The following C12orf50 variants were observed in gnomAD, a reference collection of about 807,000 sequenced individuals.
C12orf50 encodes the protein uncharacterized protein C12orf50.
In C12orf50, 35 loss-of-function variants were observed where a neutral mutation model predicts 61.6. The ratio of observed to expected loss-of-function variants is 0.57; its 90% CI spans 0.43 to 0.75. The LOEUF is 0.75. Among genes scored for constraint, C12orf50 ranks in the 30% least tolerant of loss-of-function variants. The pLI is 0.00. For missense variants in C12orf50, 475 were observed against 488.5 expected (o/e 0.97, Z 0.26); for synonymous variants, 178 against 161.5 (o/e 1.10, Z -0.77).
intron 3 of C12orf50, among the ~76,000 whole-genome samples, chr12:88,024,581 C>G (rs779209293): frequency 2.6e-5 from 4 of 151,782 alleles, no homozygotes; most frequent in Non-Finnish European, 5.9e-5. Context: ...AAATGATAAC[C>G]CAAAGAGAGG....
chr12:87,990,244 C>G (rs578153918), intron 7 of C12orf50, among the ~76,000 whole-genome samples: 1 of 152,226 alleles, frequency 6.6e-6, no homozygotes, highest in East Asian at 1.9e-4. Context: ...ACAGATTAAC[C>G]TCCAGTTAAC....
chr12:88,021,672 C>A (rs2136493176), intron 3 of C12orf50, among the ~76,000 whole-genome samples: 1 of 151,786 alleles, frequency 6.6e-6, no homozygotes, highest in African/African-American at 2.4e-5. Context: ...TACCACTGAC[C>A]CCACAGAAAT....
intron 7 of C12orf50, among the ~76,000 whole-genome samples, chr12:87,991,939 G>A (rs772473899): frequency 6.6e-5 from 10 of 152,154 alleles, no homozygotes; most frequent in Admixed American, 4.6e-4. Flanking sequence ...GCAGAGTGGT[G>A]AAAATTTTGA....
At chr12:87,993,696 T>C (rs1463180690) in intron 7 of C12orf50, among the ~76,000 whole-genome samples, 1 of 152,124 alleles carries the variant, frequency 6.6e-6, no homozygotes, top group Non-Finnish European at 1.5e-5. Context: ...TCCTTCCTAC[T>C]CTTCACACAC....
At chr12:87,983,664 G>C (rs2030644991) in intron 11 of C12orf50, 4 of 151,040 alleles carry the variant, frequency 2.6e-5, no homozygotes, top group African/African-American at 4.8e-5. Flanking sequence ...CCTTGCGATA[G>C]TTTACTGAGA....
At chr12:87,983,280 G>A in intron 11 of C12orf50, 85 bp from the exon 12 acceptor site, 1 of 767,386 alleles carries the variant, frequency 1.3e-6, no homozygotes, top group Non-Finnish European at 2.0e-6. Context: ...ACATCTCAGG[G>A]GTGAAGCTAT....
chr12:87,981,665 G>A (rs2030479862), intron 12 of C12orf50, among the ~76,000 whole-genome samples: 1 of 152,008 alleles, frequency 6.6e-6, no homozygotes, highest in African/African-American at 2.4e-5. Context: ...TCTTTCTGGT[G>A]CTTATCCTTT....
At chr12:87,993,398 G>T (rs1400532857) in intron 7 of C12orf50, among the ~76,000 whole-genome samples, 2 of 152,206 alleles carry the variant, frequency 1.3e-5, no homozygotes, top group African/African-American at 4.8e-5. Flanking sequence ...TAGACAGTGG[G>T]AACTCCGTTA....
At chr12:88,019,250 G>A (rs1257387690) in intron 3 of C12orf50, among the ~76,000 whole-genome samples, 2 of 152,160 alleles carry the variant, frequency 1.3e-5, no homozygotes, top group South Asian at 2.1e-4. Flanking sequence ...GAGATCTGAC[G>A]ATTTCAAAAA....
chr12:87,998,124 T>C lies in C12orf50; in HGVS notation c.200A>G (p.Lys67Arg). 1 of 1,612,964 alleles carries C rather than the reference T, an allele frequency of 6.2e-7. No homozygotes were observed. Among genetic ancestry groups the C allele is most frequent in the Non-Finnish European group, 8.5e-7 (1 of 1,179,276 alleles). Reference protein sequence around the residue: ...PLQSQSQEPLKPQENISRPIH... With the variant: ...PLQSQSQEPLRPQENISRPIH... ...GGGTCGTGATATATTTTCCTGAGGT[T>C]TCAGAGGTTCTTGACTCTGGGACTG... The change falls in exon 4 of 13, where the codon AAA (lysine) becomes AGA (arginine). Residue 67 changes from lysine to arginine, a missense_variant. Transcript: ENST00000298699.
At chr12:87,996,705 A>G in intron 4 of C12orf50, 59 bp from the exon 5 acceptor site, 1 of 1,322,962 alleles carries the variant, frequency 7.6e-7, no homozygotes. Flanking sequence ...CTGAAAATTT[A>G]TAAACCAGAA....
At chr12:88,021,664 C>T (rs950473924) in intron 3 of C12orf50, among the ~76,000 whole-genome samples, 12 of 151,794 alleles carry the variant, frequency 7.9e-5, no homozygotes, top group African/African-American at 2.9e-4. Context: ...AGGGACATTA[C>T]CACTGACCCC....
intron 4 of C12orf50, among the ~76,000 whole-genome samples, chr12:87,997,250 C>T (rs1206896249): frequency 6.6e-6 from 1 of 151,974 alleles, no homozygotes; most frequent in Non-Finnish European, 1.5e-5. Context: ...ACATAGATCT[C>T]TATAACTTCC....
chr12:88,014,678 T>C (rs1310637463), intron 3 of C12orf50, among the ~76,000 whole-genome samples: 2 of 152,218 alleles, frequency 1.3e-5, no homozygotes, highest in African/African-American at 2.4e-5. Context: ...TTGCCTAAGA[T>C]ATCTGGCCTC....
At chr12:88,021,435 C>G (rs574774855) in intron 3 of C12orf50, among the ~76,000 whole-genome samples, 3 of 151,960 alleles carry the variant, frequency 2.0e-5, no homozygotes, top group Admixed American at 1.3e-4. Flanking sequence ...GCCAGGAGTT[C>G]GAGACCAGCC....
At chr12:88,018,091 A>G (rs759033640) in intron 3 of C12orf50, among the ~76,000 whole-genome samples, 4 of 152,250 alleles carry the variant, frequency 2.6e-5, no homozygotes, top group Non-Finnish European at 5.9e-5. Context: ...TAATGGGGAA[A>G]ATGTCTCCAA....
intron 3 of C12orf50, among the ~76,000 whole-genome samples, chr12:88,006,584 C>T (rs577994015): frequency 1.3e-5 from 2 of 152,284 alleles, no homozygotes; most frequent in African/African-American, 4.8e-5. Flanking sequence ...TGGCATGGGA[C>T]CTCTATCCAT....
Position 88,026,344 on chromosome 12 carries a change from C to T in C12orf50, c.133+144G>A. 7 of 891,036 alleles carry T rather than the reference C, an allele frequency of 7.9e-6. No homozygotes were observed. The East Asian group carries it at 1.4e-4, about 17-fold the overall frequency. 55.2% of individuals were successfully genotyped at this position (891,036 alleles called of 1,614,324 possible). ...GTTCATTCTAAGCTTTCTCTTGTCT[C>T]ATGTAGAATCATTCCAAATTACCCA... On this transcript the variant is annotated intron_variant, in intron 3 of 12. Coordinates refer to ENST00000298699, the MANE Select transcript of C12orf50 (RefSeq NM_152589.3).
intron 3 of C12orf50, among the ~76,000 whole-genome samples, chr12:88,010,496 C>A (rs1173379971): frequency 6.2e-5 from 9 of 144,036 alleles, no homozygotes; most frequent in Non-Finnish European, 1.4e-4. Context: ...AAGATTATTC[C>A]ATTTATAAGA....
Sources: gnomAD v4.1 joint callset for allele counts (sites outside exome capture counted in the v4.1 genomes callset) on GRCh38, gnomAD v4.1.1 for gene constraint, MANE v1.5 for transcripts, NCBI Gene and HGNC (gene_info 2026-07-23, HGNC 2026-07-21) for gene names.